PKNOX2: variants seen among roughly 807,000 people sequenced by gnomAD.
PKNOX2 encodes homeobox protein PKNOX2.
A neutral mutation model predicts 53.1 loss-of-function variants in PKNOX2; 14 were observed. That is an observed-to-expected ratio of 0.26 (90% CI 0.17 to 0.41). The LOEUF (loss-of-function observed/expected upper bound fraction) is 0.41, where lower values mean the gene tolerates loss of function less well. Among genes scored for constraint, PKNOX2 ranks in the 10% least tolerant of loss-of-function variants. The pLI, the probability that PKNOX2 is intolerant of heterozygous loss-of-function variation, is 1.00. For missense variants in PKNOX2, 496 were observed against 602.8 expected (o/e 0.82, Z 1.85); for synonymous variants, 257 against 242.8 (o/e 1.06, Z -0.54).
chr11:125,214,975 T>C (rs1342709690), intron 1 of PKNOX2, among the ~76,000 whole-genome samples: 4 of 152,064 alleles, frequency 2.6e-5, no homozygotes, highest in African/African-American at 9.7e-5. Context: ...GCTGTGTATC[T>C]GGTGACTTCT....
rs1034485047 is a variant in PKNOX2 at position 125,300,204 on chromosome 11, G to A, written c.-129-31615G>A. ...TGCTTTTGAAAGAGCAAAGGTGGCC[G>A]AGCCTAAGGCTGCAGACTTCTCTTT... On this transcript the variant is annotated intron_variant, in intron 2 of 12. Transcript: ENST00000298282. Among the ~76,000 whole-genome samples, 15 of 152,226 alleles carry A rather than the reference G, an allele frequency of 9.9e-5. 1 individual carries two copies. The highest frequency in any genetic ancestry group is 1.9e-4 in the East Asian group (1 of 5,192).
intron 2 of PKNOX2, among the ~76,000 whole-genome samples, chr11:125,238,813 G>A (rs1274583506): frequency 6.6e-6 from 1 of 152,164 alleles, no homozygotes; most frequent in African/African-American, 2.4e-5. Flanking sequence ...CAAACATAAA[G>A]GTCATTTAGA....
intron 2 of PKNOX2, among the ~76,000 whole-genome samples, chr11:125,309,701 A>G (rs1948689178): frequency 1.3e-5 from 2 of 152,028 alleles, no homozygotes; most frequent in Non-Finnish European, 2.9e-5. Flanking sequence ...AACAGTACCA[A>G]TTTATATTTC....
chr11:125,360,705 AAC>A (rs1222491611), intron 4 of PKNOX2, among the ~76,000 whole-genome samples: 2 of 152,210 alleles, frequency 1.3e-5, no homozygotes, highest in African/African-American at 4.8e-5. Flanking sequence ...ACATGAGAGA[AAC>A]AACAGCAGCC....
At chr11:125,404,888 C>A (rs1954981525) in intron 7 of PKNOX2, among the ~76,000 whole-genome samples, 1 of 152,184 alleles carries the variant, frequency 6.6e-6, no homozygotes, top group Non-Finnish European at 1.5e-5. Flanking sequence ...AGAGGACGGG[C>A]CGCGGCTGTG....
At chr11:125,187,959 C>A (rs1309350026) in intron 1 of PKNOX2, among the ~76,000 whole-genome samples, 1 of 152,222 alleles carries the variant, frequency 6.6e-6, no homozygotes, top group Non-Finnish European at 1.5e-5. Flanking sequence ...ATACCAATTT[C>A]ATGGGAGCAC....
At chr11:125,188,656 C>G (rs553016861) in intron 1 of PKNOX2, among the ~76,000 whole-genome samples, 1 of 152,066 alleles carries the variant, frequency 6.6e-6, no homozygotes, top group African/African-American at 2.4e-5. Context: ...TGCAAACCCC[C>G]GTGCTGTTAA....
intron 10 of PKNOX2, among the ~76,000 whole-genome samples, chr11:125,417,889 A>G (rs577744615): frequency 1.3e-5 from 2 of 152,060 alleles, no homozygotes; most frequent in East Asian, 3.9e-4. Context: ...ATTCAGCCAC[A>G]AGGAGCTGAG....
intron 2 of PKNOX2, among the ~76,000 whole-genome samples, chr11:125,311,360 G>A (rs1458323642): frequency 6.6e-6 from 1 of 152,160 alleles, no homozygotes; most frequent in Non-Finnish European, 1.5e-5. Flanking sequence ...CCAAGGCACA[G>A]TACTAGATAC....
intron 1 of PKNOX2, among the ~76,000 whole-genome samples, chr11:125,223,038 G>T (rs1941375952): frequency 6.6e-6 from 1 of 152,066 alleles, no homozygotes; most frequent in Non-Finnish European, 1.5e-5. Flanking sequence ...ATGGCTAATG[G>T]TTTACTTCTT....
chr11:125,387,356 G>A (rs1953706345), intron 6 of PKNOX2, among the ~76,000 whole-genome samples: 1 of 152,178 alleles, frequency 6.6e-6, no homozygotes, highest in Non-Finnish European at 1.5e-5. Context: ...AAACTGGGTA[G>A]CTAATGTGAA....
At chr11:125,280,361 G>A (rs1318057037) in intron 2 of PKNOX2, among the ~76,000 whole-genome samples, 1 of 152,200 alleles carries the variant, frequency 6.6e-6, no homozygotes, top group Non-Finnish European at 1.5e-5. Context: ...CTGGGGAACA[G>A]TGTTGGGGAC....
At chr11:125,298,915 A>T (rs1947838749) in intron 2 of PKNOX2, among the ~76,000 whole-genome samples, 1 of 152,164 alleles carries the variant, frequency 6.6e-6, no homozygotes, top group Non-Finnish European at 1.5e-5. Flanking sequence ...CTTTCTCCAG[A>T]TCAAGCCCTG....
chr11:125,406,300 A>G (rs1218154667), intron 7 of PKNOX2, among the ~76,000 whole-genome samples: 1 of 152,164 alleles, frequency 6.6e-6, no homozygotes, highest in African/African-American at 2.4e-5. Flanking sequence ...ATCGCAGCCA[A>G]GTGGAGTTGT....
intron 4 of PKNOX2, among the ~76,000 whole-genome samples, chr11:125,358,503 G>T (rs1483402126): frequency 1.3e-5 from 2 of 152,230 alleles, no homozygotes; most frequent in African/African-American, 4.8e-5. Context: ...AATGTTCCAT[G>T]AGTCACATTG....
At chr11:125,275,600 G>A (rs184923136) in intron 2 of PKNOX2, among the ~76,000 whole-genome samples, 44 of 152,284 alleles carry the variant, frequency 2.9e-4, no homozygotes, top group African/African-American at 1.0e-3. Flanking sequence ...GCAGAGTTGT[G>A]GGAGTCAGGT....
intron 3 of PKNOX2, among the ~76,000 whole-genome samples, chr11:125,338,320 T>G (rs1010000446): frequency 2.6e-5 from 4 of 152,340 alleles, no homozygotes; most frequent in East Asian, 1.9e-4. Context: ...GTTTATGAAC[T>G]GCAGGACAAA....
intron 2 of PKNOX2, among the ~76,000 whole-genome samples, chr11:125,322,475 C>G (rs2011892): frequency 0.11 from 16,749 of 152,194 alleles, 1,310 homozygotes; most frequent in African/African-American, 0.21. Flanking sequence ...CAGTCACAAG[C>G]TGCTGTCCTC....
chr11:125,171,347 T>C (rs1015013068), intron 1 of PKNOX2, among the ~76,000 whole-genome samples: 1 of 152,190 alleles, frequency 6.6e-6, no homozygotes, highest in Non-Finnish European at 1.5e-5. Context: ...AGCCAAGACA[T>C]TGCCATGAAG....
Sources: allele counts gnomAD v4.1 joint callset (sites outside exome capture counted in the v4.1 genomes callset), GRCh38; gene constraint gnomAD v4.1.1; transcripts MANE v1.5; gene names NCBI Gene and HGNC (gene_info 2026-07-23, HGNC 2026-07-21).